The following TSPYL6 variants were observed in gnomAD, a reference collection of about 807,000 sequenced individuals.
TSPYL6 encodes testis-specific Y-encoded-like protein 6.
For missense variants in TSPYL6, 699 were observed against 531.5 expected (o/e 1.32, Z -3.10); for synonymous variants, 259 against 214.8 (o/e 1.21, Z -1.80).
chr2:54,255,093 C>A lies in TSPYL6; in HGVS notation c.1059G>T (p.Trp353Cys), dbSNP rs1687428001. 6.2e-7 allele frequency: 1 copy of A among 1,614,010 alleles called. No homozygotes were observed. The highest frequency in any genetic ancestry group is 8.5e-7 in the Non-Finnish European group (1 of 1,180,044). The change falls in exon 1 of 1, where the codon TGG (tryptophan) becomes TGT (cysteine). Residue 353 changes from tryptophan to cysteine, a missense_variant. Physicochemically the swap from Trp to Cys is radical, Grantham distance 215. Coordinates refer to ENST00000317802, the MANE Select transcript of TSPYL6 (RefSeq NM_001003937.3). ...ACTCTGGAAGGCTGTGGTCTGAAAA[C>A]CAGGTGAAGAAGCTGCAGATGACAT... The part of the protein sequence containing the change: ...NRHVICSFFT[W>C]FSDHSLPESD...
rs761082339 is a variant in TSPYL6 at position 54,254,967 on chromosome 2, T to G, written c.1185A>C (p.Val395=). The G allele has an allele frequency of 6.2e-7, 1 of 1,613,840 alleles. No homozygotes were observed. Among genetic ancestry groups the G allele is most frequent in the South Asian group, 1.1e-5 (1 of 91,014 alleles). Reference sequence around the variant, plus strand: ...GCCTGGGGATCTCCACTGGCTCCCTTACCAGGCGACGTCTAGCTCTATGGG... The same window carrying G: ...GCCTGGGGATCTCCACTGGCTCCCTGACCAGGCGACGTCTAGCTCTATGGG... ...EDAHRARRRL[V]REPVEIPRPF... The change falls in exon 1 of 1, where the codon GTA becomes GTC. Residue 395 remains valine, a synonymous_variant. Coordinates refer to ENST00000317802, the MANE Select transcript of TSPYL6 (RefSeq NM_001003937.3).
rs1424280020 is a variant in TSPYL6 at position 54,253,314 on chromosome 2, A to G, written c.*1605T>C. On this transcript the variant is annotated 3_prime_UTR_variant, in exon 1 of 1. Coordinates refer to ENST00000317802, the MANE Select transcript of TSPYL6 (RefSeq NM_001003937.3). Reference sequence around the variant, plus strand: ...AAACAAGAACAGGCTGAAAACTGCCATGAATATCCATATCCACATAATGTA... The same window carrying G: ...AAACAAGAACAGGCTGAAAACTGCCGTGAATATCCATATCCACATAATGTA... 3 of 152,266 alleles carry G rather than the reference A, an allele frequency of 2.0e-5. No homozygotes were observed. The highest frequency in any genetic ancestry group is 4.4e-5 in the Non-Finnish European group (3 of 68,044). 9.4% of individuals were successfully genotyped at this position (152,266 alleles called of 1,614,324 possible).
the TSPYL6 span, chr2:54,255,856 TC>T: frequency 6.2e-7 from 1 of 1,614,072 alleles, no homozygotes; most frequent in East Asian, 2.2e-5. Context: ...AGAGGCCGCT[TC>T]TAGGCCCTCC....
Position 54,254,010 on chromosome 2 carries a change from T to C in TSPYL6, c.*909A>G, listed in dbSNP as rs996851470. 7 of 152,212 alleles carry C rather than the reference T, an allele frequency of 4.6e-5. No homozygotes were observed. Among genetic ancestry groups the C allele is most frequent in the African/African-American group, 1.7e-4 (7 of 41,456 alleles). 9.4% of individuals were successfully genotyped at this position (152,212 alleles called of 1,614,324 possible). A position where few individuals can be genotyped will look rare whatever the true frequency, so the allele number is the denominator to read the frequency against. On this transcript the variant is annotated 3_prime_UTR_variant, in exon 1 of 1. Transcript: ENST00000317802. The stretch of plus-strand genomic sequence containing the variant: ...GAGAAAAGAAAGTGTACACTCACTC[T>C]GGCACTTCATTAGGTTCAGGAAGGG...
chr2:54,255,205 C>T lies in TSPYL6; in HGVS notation c.947G>A (p.Arg316Lys). ...AAAAGACACCACTTGGCCGAAGGATCTGACCTCATACACCTTTACAATCAG... is the reference window on the plus strand; with the variant it reads ...AAAAGACACCACTTGGCCGAAGGATTTGACCTCATACACCTTTACAATCAG... ...NKLIVKVYEV[R>K]SFGQVVSFST... The change falls in exon 1 of 1, where the codon AGA becomes AAA. Residue 316 changes from arginine to lysine, a missense_variant. Transcript: ENST00000317802. The T allele has an allele frequency of 6.2e-7, 1 of 1,614,212 alleles. No homozygotes were observed.
In TSPYL6 at chr2:54,255,574, G is replaced by C. The variant is rs760017792; in HGVS notation, c.578C>G (p.Pro193Arg). 8 of 1,612,644 alleles carry C rather than the reference G, an allele frequency of 5.0e-6. No homozygotes were observed. In the Admixed American group the frequency reaches 1.2e-4, roughly 24 times the overall value. Residue 193 changes from proline (P) to arginine (R), a missense_variant, in exon 1 of 1, where the codon CCC becomes CGC. Pro to Arg is a moderately radical substitution (Grantham distance 103). Transcript: ENST00000317802. ...GTGGAGACCCACGTTCAGGGGCCCG[G>C]GCCCGGGCCCAGGCCCTGCCTCCCT... ...VNREAGPGPG[P>R]GPLNVGLHLN... is the part of the protein sequence containing the mutation.
At position 54,254,832 on chromosome 2, in the gene TSPYL6, A is replaced by G. The variant is rs1687415259; in HGVS notation, c.*87T>C. ...CAGGAAAGTCAGAACAAAAAAAGTA[A>G]AGGGCATACCTAATGCTGTTGCCCA... On this transcript the variant is annotated 3_prime_UTR_variant, in exon 1 of 1. Transcript: ENST00000317802. The G allele has an allele frequency of 1.5e-6, 2 of 1,332,616 alleles. No individual in the cohort carries two copies. Among genetic ancestry groups the G allele is most frequent in the African/African-American group, 2.9e-5 (2 of 68,182 alleles). The allele number at this position is 1,332,616 out of a possible 1,614,324, so 82.5% of individuals were successfully genotyped here. A position where few individuals can be genotyped will look rare whatever the true frequency, so the allele number is the denominator to read the frequency against.
rs754452381 is a variant in TSPYL6, at chr2:54,255,600, G to A, written c.552C>T (p.Asn184=). ...GCCCGGGCCCAGGCCCTGCCTCCCT[G>A]TTTACCTCATCTATTGCTCTGTTTT... ...AEENRAIDEV[N]REAGPGPGPG... The change falls in exon 1 of 1, where the codon AAC becomes AAT. Residue 184 remains asparagine (N), a synonymous_variant. Coordinates refer to ENST00000317802, the MANE Select transcript of TSPYL6 (RefSeq NM_001003937.3). 5 of 1,613,438 alleles carry A rather than the reference G, an allele frequency of 3.1e-6. No individual in the cohort carries two copies. Among genetic ancestry groups the A allele is most frequent in the Non-Finnish European group, 4.2e-6 (5 of 1,179,940 alleles).
In TSPYL6 at chr2:54,254,774, G is replaced by A. The variant is rs1687411580; in HGVS notation, c.*145C>T. 1 of 760,670 alleles carries A rather than the reference G, an allele frequency of 1.3e-6. No individual in the cohort carries two copies. Among genetic ancestry groups the A allele is most frequent in the Non-Finnish European group, 2.1e-6 (1 of 481,426 alleles). 47.1% of individuals were successfully genotyped at this position (760,670 alleles called of 1,614,324 possible). A position where few individuals can be genotyped will look rare whatever the true frequency, so the allele number is the denominator to read the frequency against. On this transcript the variant is annotated 3_prime_UTR_variant, in exon 1 of 1. Transcript: ENST00000317802. ...ACAGCCACCAAGGTCTCAATCTTCA[G>A]GTTGAGAGAACGGAAAGTTTAAACA...
In TSPYL6 at chr2:54,254,424, G is replaced by A. The variant is rs768411979; in HGVS notation, c.*495C>T. The A allele has an allele frequency of 1.5e-4, 23 of 154,590 alleles. No individual in the cohort carries two copies. Among genetic ancestry groups the A allele is most frequent in the Non-Finnish European group, 3.1e-4 (22 of 69,906 alleles). 9.6% of individuals were successfully genotyped at this position (154,590 alleles called of 1,614,324 possible). On this transcript the variant is annotated 3_prime_UTR_variant, in exon 1 of 1. Transcript: ENST00000317802. ...CAATAGGTGACCAGTCTCAGGAAAA[G>A]TAATGGGGTCCCATAATTCACACAG...
In TSPYL6 at chr2:54,254,875, TG is replaced by T; in HGVS notation, c.*43del. 1 of 1,573,590 alleles carries T rather than the reference TG, an allele frequency of 6.4e-7. No homozygotes were observed. Among genetic ancestry groups the T allele is most frequent in the Non-Finnish European group, 8.6e-7 (1 of 1,164,124 alleles). On this transcript the variant is annotated 3_prime_UTR_variant, in exon 1 of 1. Coordinates refer to ENST00000317802, the MANE Select transcript of TSPYL6 (RefSeq NM_001003937.3). ...GTTGCCCAAGCTCAGGTCCAGCTGGTGGTGGCAGGCAACCTTCTGCAGGAGT... is the reference window on the plus strand; with the variant it reads ...GTTGCCCAAGCTCAGGTCCAGCTGGTGTGGCAGGCAACCTTCTGCAGGAGT...
chr2:54,253,875 T>G lies in TSPYL6; in HGVS notation c.*1044A>C, dbSNP rs1029689587. 1 of 152,206 alleles carries G rather than the reference T, an allele frequency of 6.6e-6. No homozygotes were observed. The highest frequency in any genetic ancestry group is 1.5e-5 in the Non-Finnish European group (1 of 68,038). 9.4% of individuals were successfully genotyped at this position (152,206 alleles called of 1,614,324 possible). A position where few individuals can be genotyped will look rare whatever the true frequency, so the allele number is the denominator to read the frequency against. On this transcript the variant is annotated 3_prime_UTR_variant, in exon 1 of 1. Transcript: ENST00000317802. ...TCTATTTTACAGAACAGCCTGCCTC[T>G]GGACATGACAAAGAGAGCCAAGAAA...
rs1205339029 is a variant in TSPYL6 at position 54,253,578 on chromosome 2, G to A, written c.*1341C>T. The A allele has an allele frequency of 6.6e-6, 1 of 152,116 alleles. No homozygotes were observed. Among genetic ancestry groups the A allele is most frequent in the Admixed American group, 6.5e-5 (1 of 15,276 alleles). 9.4% of individuals were successfully genotyped at this position (152,116 alleles called of 1,614,324 possible). A position where few individuals can be genotyped will look rare whatever the true frequency, so the allele number is the denominator to read the frequency against. On this transcript the variant is annotated 3_prime_UTR_variant, in exon 1 of 1. Coordinates refer to ENST00000317802, the MANE Select transcript of TSPYL6 (RefSeq NM_001003937.3). ...CCAACCATCTTCTATTCTTCTACGT[G>A]CATACTAAAAAAAAGTACTTCTCTT...
rs561415479 is a variant in TSPYL6 at position 54,253,426 on chromosome 2, A to G, written c.*1493T>C. The G allele has an allele frequency of 6.8e-6, 1 of 147,740 alleles. No homozygotes were observed. The highest frequency in any genetic ancestry group is 2.1e-4 in the South Asian group (1 of 4,778). The allele number at this position is 147,740 out of a possible 1,614,324, so 9.2% of individuals were successfully genotyped here. A position where few individuals can be genotyped will look rare whatever the true frequency, so the allele number is the denominator to read the frequency against. On this transcript the variant is annotated 3_prime_UTR_variant, in exon 1 of 1. Coordinates refer to ENST00000317802, the MANE Select transcript of TSPYL6 (RefSeq NM_001003937.3). ...CAGCTGAATCTTCCCAGTAAACAGA[A>G]AGAGAAAATATTATAACACAGTATT... is the stretch of plus-strand genomic sequence containing the variant.
chr2:54,256,118 T>G lies in TSPYL6; in HGVS notation c.34A>C (p.Thr12Pro). The change falls in exon 1 of 1, where the codon ACT becomes CCT. Residue 12 changes from threonine (T) to proline (P), a missense_variant. Physicochemically the swap from Thr to Pro is conservative, Grantham distance 38 (BLOSUM62 -1). Coordinates refer to ENST00000317802, the MANE Select transcript of TSPYL6 (RefSeq NM_001003937.3). ...SLPESPHSPATLDYALEDPHQ... is the reference protein window; with the variant it reads ...SLPESPHSPAPLDYALEDPHQ... ...GGGTCTTCCAGAGCATAGTCGAGAG[T>G]AGCGGGGCTGTGAGGACTCTCCGGG... 5 of 1,613,866 alleles carry G rather than the reference T, an allele frequency of 3.1e-6. No homozygotes were observed. Among genetic ancestry groups the G allele is most frequent in the Non-Finnish European group, 4.2e-6 (5 of 1,179,924 alleles).
chr2:54,255,185 A>C lies in TSPYL6; in HGVS notation c.967T>G (p.Ser323Ala). The change falls in exon 1 of 1, where the codon TCT (serine) becomes GCT (alanine). Residue 323 changes from serine to alanine, a missense_variant. Ser to Ala is a moderately conservative substitution (Grantham distance 99). Coordinates refer to ENST00000317802, the MANE Select transcript of TSPYL6 (RefSeq NM_001003937.3). ...CGCCACATGATTAGAGTGGAAAAAG[A>C]CACCACTTGGCCGAAGGATCTGACC... ...YEVRSFGQVV[S>A]FSTLIMWRRG... The C allele has an allele frequency of 6.2e-7, 1 of 1,614,184 alleles. No homozygotes were observed. Among genetic ancestry groups the C allele is most frequent in the Non-Finnish European group, 8.5e-7 (1 of 1,180,038 alleles).
chr2:54,255,686 C>G lies in TSPYL6; in HGVS notation c.466G>C (p.Ala156Pro), dbSNP rs1382824065. Residue 156 changes from alanine (A) to proline (P), a missense_variant, in exon 1 of 1, where the codon GCC (alanine) becomes CCC (proline). By Grantham distance (27) the Ala-to-Pro change is conservative (BLOSUM62 -1). Coordinates refer to ENST00000317802, the MANE Select transcript of TSPYL6 (RefSeq NM_001003937.3). ...KAEDVKPEEC[A>P]MFSAPVDEKP... ...TCATCCACTGGGGCTGAGAACATGG[C>G]ACACTCCTCAGGCTTCACGTCCTCG... The G allele has an allele frequency of 1.2e-6, 2 of 1,613,950 alleles. No individual in the cohort carries two copies. The highest frequency in any genetic ancestry group is 3.3e-5 in the Admixed American group (2 of 60,026).
In TSPYL6 at chr2:54,254,701, G is replaced by A. The variant is rs1687406083; in HGVS notation, c.*218C>T. ...GATGTGACCCATCGGCTGGGAGCATGTGATGTTAATGCAGAATAGCAAGAC... is the reference window on the plus strand; with the variant it reads ...GATGTGACCCATCGGCTGGGAGCATATGATGTTAATGCAGAATAGCAAGAC... On this transcript the variant is annotated 3_prime_UTR_variant, in exon 1 of 1. Transcript: ENST00000317802. 7.3e-6 allele frequency: 4 copies of A among 548,588 alleles called. No individual in the cohort carries two copies. The South Asian group carries it at 8.1e-5, about 11-fold the overall frequency. 34.0% of individuals were successfully genotyped at this position (548,588 alleles called of 1,614,324 possible). A position where few individuals can be genotyped will look rare whatever the true frequency, so the allele number is the denominator to read the frequency against.
In TSPYL6 at chr2:54,255,849, G is replaced by A. The variant is rs1573001987; in HGVS notation, c.303C>T (p.Ala101=). ...TGCCGTCAGTTGTCAGCGAGGCAGA[G>A]GCCGCTTCTAGGCCCTCCGCGGGTG... ...TPPPAEGLEA[A]SASLTTDGSL... is the part of the protein sequence containing the mutation. Residue 101 remains alanine (A), a synonymous_variant, in exon 1 of 1, where the codon GCC becomes GCT. Transcript: ENST00000317802. The A allele has an allele frequency of 6.2e-7, 1 of 1,614,010 alleles. No homozygotes were observed. The highest frequency in any genetic ancestry group is 1.1e-5 in the South Asian group (1 of 91,088).
Sources: allele counts gnomAD v4.1 joint callset, GRCh38; gene constraint gnomAD v4.1.1; transcripts MANE v1.5; gene names NCBI Gene and HGNC (gene_info 2026-07-23, HGNC 2026-07-21).